The following AKAP14 variants were observed in gnomAD, a reference collection of about 807,000 sequenced individuals.
The protein encoded by AKAP14 is A-kinase anchoring protein 14.
A neutral mutation model predicts 17.0 loss-of-function variants in AKAP14; 4 were observed. That is an observed-to-expected ratio of 0.23 (90% CI 0.12 to 0.54). The LOEUF is 0.54. Ranked by LOEUF, AKAP14 falls within the 20% of genes least tolerant of loss-of-function variation. The pLI is 0.95. For synonymous variants in AKAP14, 42 were observed against 51.3 expected (o/e 0.82, Z 0.77); for missense variants, 129 against 150.9 (o/e 0.85, Z 0.76).
intron 4 of AKAP14, 132 bp downstream of exon 4, chrX:119,903,718 A>C: frequency 9.2e-7 from 1 of 1,089,170 alleles, no homozygotes; most frequent in African/African-American, 1.8e-5. Context: ...GAATAAGTAA[A>C]CATCATCTCC....
At position 119,896,629 on chromosome X, in the gene AKAP14, C is replaced by T. The variant is rs1323483361; in HGVS notation, c.-11+362C>T. 2.7e-5 allele frequency among the ~76,000 whole-genome samples: 3 copies of T among 111,358 alleles called. No homozygotes were observed. The Admixed American group carries it at 2.9e-4, about 11-fold the overall frequency. On this transcript the variant is annotated intron_variant, in intron 2 of 6. Transcript: ENST00000371431. Reference sequence around the variant, plus strand: ...CCCCATCTTCCCTCTCCTGTTGGAGCACAGGCTCCCCAGGGAAAGTCTTAA... The same window carrying T: ...CCCCATCTTCCCTCTCCTGTTGGAGTACAGGCTCCCCAGGGAAAGTCTTAA...
chrX:119,916,689 C>T (rs2056660858), intron 5 of AKAP14, among the ~76,000 whole-genome samples: 1 of 89,312 alleles, frequency 1.1e-5, no homozygotes, highest in African/African-American at 4.2e-5. Flanking sequence ...TTCGTAGAGA[C>T]AAGGTCTTGC....
chrX:119,913,062 C>T (rs989341988), intron 4 of AKAP14, among the ~76,000 whole-genome samples: 2 of 107,474 alleles, frequency 1.9e-5, no homozygotes, highest in African/African-American at 3.4e-5. Context: ...CTGAGGCAGG[C>T]GGATTGCTCG....
At chrX:119,905,593 C>T (rs2147831156) in intron 4 of AKAP14, among the ~76,000 whole-genome samples, 1 of 111,157 alleles carries the variant, frequency 9.0e-6, no homozygotes, top group African/African-American at 3.3e-5. Context: ...GTTCAGCTCC[C>T]ATCACTCCTT....
chrX:119,905,015 GC>G (rs1226149547), intron 4 of AKAP14, among the ~76,000 whole-genome samples: 3 of 110,392 alleles, frequency 2.7e-5, no homozygotes, highest in African/African-American at 9.9e-5. Flanking sequence ...TTGTGCCACT[GC>G]ACTCAGCCTG....
chrX:119,916,921 C>A (rs1452087489), intron 5 of AKAP14, among the ~76,000 whole-genome samples: 1 of 102,804 alleles, frequency 9.7e-6, no homozygotes, highest in Admixed American at 1.0e-4. Flanking sequence ...GCCCGACCAA[C>A]ATGGTGAAAC....
At chrX:119,915,662 T>C (rs1052198061) in intron 5 of AKAP14, among the ~76,000 whole-genome samples, 2 of 111,904 alleles carry the variant, frequency 1.8e-5, no homozygotes, top group African/African-American at 6.5e-5. Context: ...TGCGCCACCA[T>C]GCCTGGCTGG....
intron 2 of AKAP14, among the ~76,000 whole-genome samples, chrX:119,898,098 C>T (rs1381870843): frequency 9.0e-6 from 1 of 111,142 alleles, no homozygotes; most frequent in African/African-American, 3.3e-5. Context: ...AGGAGGCGGA[C>T]GTTGCAGTGA....
chrX:119,907,546 C>T (rs1603377831), intron 4 of AKAP14, among the ~76,000 whole-genome samples: 1 of 111,409 alleles, frequency 9.0e-6, no homozygotes, highest in East Asian at 2.8e-4. Context: ...CAGCCTCAAA[C>T]TCCTGGGCTC....
At chrX:119,915,956 G>C (rs1359848816) in intron 5 of AKAP14, among the ~76,000 whole-genome samples, 2 of 110,365 alleles carry the variant, frequency 1.8e-5, no homozygotes, top group Non-Finnish European at 3.8e-5. Context: ...CAGGCAGCCT[G>C]AATGAGTCTT....
chrX:119,905,218 A>C (rs773891466), intron 4 of AKAP14, among the ~76,000 whole-genome samples: 1 of 112,205 alleles, frequency 8.9e-6, no homozygotes, highest in Non-Finnish European at 1.9e-5. Flanking sequence ...CCCAGGCCTT[A>C]GGAAGGCCTG....
chrX:119,902,698 G>C (rs1361103110), intron 2 of AKAP14, among the ~76,000 whole-genome samples: 2 of 110,389 alleles, frequency 1.8e-5, no homozygotes, highest in African/African-American at 6.6e-5. Context: ...TTTGTTTTTT[G>C]TTTTGTTTTT....
intron 4 of AKAP14, among the ~76,000 whole-genome samples, chrX:119,914,477 T>G (rs2056645873): frequency 9.1e-6 from 1 of 109,648 alleles, no homozygotes; most frequent in South Asian, 4.0e-4. Context: ...CGTGCCACCA[T>G]GCCTGGCTAA....
intron 2 of AKAP14, among the ~76,000 whole-genome samples, chrX:119,898,799 GAAA>G (rs57227526): frequency 1.2e-5 from 1 of 85,539 alleles, no homozygotes. Context: ...ACTCCGTCTT[GAAA>G]AAAAAAAAAA....
chrX:119,916,643 C>A (rs1203747955), intron 5 of AKAP14, among the ~76,000 whole-genome samples: 4 of 92,035 alleles, frequency 4.3e-5, no homozygotes, highest in African/African-American at 7.9e-5. Flanking sequence ...GCATGCACCA[C>A]CACGCCTGGC....
chrX:119,904,720 T>G (rs1569469271), intron 4 of AKAP14, among the ~76,000 whole-genome samples: 1 of 110,887 alleles, frequency 9.0e-6, no homozygotes. Flanking sequence ...CCGTCTCTAT[T>G]AAAAATACAA....
rs756594647 is a variant in AKAP14, at chrX:119,910,993, A to AT, written c.262-3698dup. On this transcript the variant is annotated intron_variant, in intron 4 of 6. Transcript: ENST00000371431. ...TTCTAATTTTAAAAGAAATGAACAC[A>AT]TTTTTTTTGTGGGCCCTAGGTATTG... 6.1e-3 allele frequency among the ~76,000 whole-genome samples: 638 copies of AT among 105,420 alleles called. 5 individuals are homozygous for AT. Among genetic ancestry groups the AT allele is most frequent in the African/African-American group, 0.02 (595 of 29,198 alleles). The allele number at this position is 105,420 out of a possible 115,157, so 91.5% of individuals were successfully genotyped here. A position where few individuals can be genotyped will look rare whatever the true frequency, so the allele number is the denominator to read the frequency against.
chrX:119,909,697 G>C (rs2056617377), intron 4 of AKAP14, among the ~76,000 whole-genome samples: 1 of 109,058 alleles, frequency 9.2e-6, no homozygotes, highest in African/African-American at 3.3e-5. Flanking sequence ...GAGGTCAGGA[G>C]TTCAAGACCA....
intron 4 of AKAP14, among the ~76,000 whole-genome samples, chrX:119,913,069 C>T (rs2056636749): frequency 1.8e-5 from 2 of 108,588 alleles, no homozygotes; most frequent in African/African-American, 6.7e-5. Context: ...AGGCGGATTG[C>T]TCGAGCCCAG....
Sources: allele counts gnomAD v4.1 joint callset (sites outside exome capture counted in the v4.1 genomes callset), GRCh38; gene constraint gnomAD v4.1.1; transcripts MANE v1.5; gene names NCBI Gene and HGNC (gene_info 2026-07-23, HGNC 2026-07-21).